Variants in EPB41L4B observed in about 807,000 individuals in gnomAD.
EPB41L4B encodes the protein erythrocyte membrane protein band 4.1 like 4B, also known as band 4.1-like protein 4B.
Under a neutral mutation model 112.5 loss-of-function variants are expected in EPB41L4B, and 30 were observed. That is an observed-to-expected ratio of 0.27 (90% CI 0.20 to 0.36). The LOEUF is 0.36. EPB41L4B is among the 10% of genes least tolerant of loss of function. The probability of loss-of-function intolerance (pLI) is 1.00; values close to 1 mark genes in which losing one functional copy is unlikely to be tolerated. For synonymous variants in EPB41L4B, 408 were observed against 439.7 expected, an observed-to-expected ratio of 0.93 and a Z score of 0.90; for missense variants, 1,024 against 1,133.3, an observed-to-expected ratio of 0.90 and a Z score of 1.38.
chr9:109,239,937 A>C lies in EPB41L4B; in HGVS notation c.1409+3681T>G, dbSNP rs541918473. 1.0e-5 allele frequency: 10 copies of C among 985,442 alleles called. No homozygotes were observed. The Admixed American group carries it at 5.5e-4, about 54-fold the overall frequency. The allele number at this position is 985,442 out of a possible 1,614,324, so 61.0% of individuals were successfully genotyped here. A position where few individuals can be genotyped will look rare whatever the true frequency, so the allele number is the denominator to read the frequency against. ...TGTGACAGGCAGGACAACCTTCACC[A>C]GAGTTGCCCCAGATGAAGAAAGGCA... is the stretch of plus-strand genomic sequence containing the variant. On this transcript the variant is annotated intron_variant, in intron 15 of 25. Coordinates refer to ENST00000374566, the MANE Select transcript of EPB41L4B (RefSeq NM_019114.5).
chr9:109,280,108 T>A (rs967966818), intron 1 of EPB41L4B, among the ~76,000 whole-genome samples, 187 bp from the exon 2 acceptor site: 2 of 152,230 alleles, frequency 1.3e-5, no homozygotes, highest in Non-Finnish European at 2.9e-5. Flanking sequence ...AAATGCCACA[T>A]AATAGCATAA....
intron 15 of EPB41L4B, among the ~76,000 whole-genome samples, chr9:109,223,283 A>C (rs1472600426): frequency 6.6e-6 from 1 of 151,968 alleles, no homozygotes; most frequent in African/African-American, 2.4e-5. Context: ...ACAACAACAA[A>C]AAATTAACCC....
intron 16 of EPB41L4B, among the ~76,000 whole-genome samples, chr9:109,216,560 G>A (rs1002805437): frequency 2.3e-4 from 35 of 151,586 alleles, no homozygotes; most frequent in African/African-American, 7.3e-4. Flanking sequence ...AGAATTGCTC[G>A]GACCTGGGAG....
chr9:109,248,973 G>A (rs911413403), intron 13 of EPB41L4B, among the ~76,000 whole-genome samples: 6 of 151,318 alleles, frequency 4.0e-5, no homozygotes, highest in Admixed American at 1.3e-4. Context: ...GCAGGAGAAC[G>A]GCGTGAACCC....
At chr9:109,266,654 G>C (rs898821440) in intron 4 of EPB41L4B, among the ~76,000 whole-genome samples, 1 of 152,026 alleles carries the variant, frequency 6.6e-6, no homozygotes, top group African/African-American at 2.4e-5. Context: ...CCAAGACATA[G>C]ACATGGGCAA....
chr9:109,303,250 A>AT (rs1180552849), intron 1 of EPB41L4B, among the ~76,000 whole-genome samples: 1 of 152,168 alleles, frequency 6.6e-6, no homozygotes, highest in Non-Finnish European at 1.5e-5. Context: ...AAAGTGATAA[A>AT]TAAAAAAAAA....
intron 6 of EPB41L4B, among the ~76,000 whole-genome samples, chr9:109,259,472 C>A (rs1206676987): frequency 1.3e-5 from 2 of 152,174 alleles, no homozygotes; most frequent in Admixed American, 1.3e-4. Context: ...CACATCAGAT[C>A]CCATCAACTA....
At chr9:109,271,470 T>A (rs1835617222) in intron 2 of EPB41L4B, among the ~76,000 whole-genome samples, 1 of 152,190 alleles carries the variant, frequency 6.6e-6, no homozygotes, top group African/African-American at 2.4e-5. Flanking sequence ...CTATCTTGTA[T>A]CCAACCAGTT....
intron 1 of EPB41L4B, among the ~76,000 whole-genome samples, chr9:109,283,193 A>G (rs1836135926): frequency 6.6e-6 from 1 of 152,206 alleles, no homozygotes; most frequent in East Asian, 1.9e-4. Context: ...TCTTCTGGCA[A>G]GGTTACACTA....
intron 2 of EPB41L4B, among the ~76,000 whole-genome samples, chr9:109,269,308 T>C (rs928085273): frequency 9.2e-5 from 14 of 152,226 alleles, no homozygotes; most frequent in African/African-American, 3.4e-4. Context: ...TGAGGGCATT[T>C]TAACTTCCTC....
chr9:109,194,310 T>A lies in EPB41L4B; in HGVS notation c.2133A>T (p.Gln711His). ...TGGGGGACGGCAGCGGCACGGAGAC[T>A]TGTGTGGCGGCCGTTGTGGTGTTTG... is the stretch of plus-strand genomic sequence containing the variant. ...TTTNTTTAAT[Q>H]VSVPLPSPKV... The change falls in exon 21 of 26, where the codon CAA (glutamine) becomes CAT (histidine). Residue 711 changes from glutamine to histidine, a missense_variant. Physicochemically the swap from Gln to His is conservative, Grantham distance 24. Coordinates refer to ENST00000374566, the MANE Select transcript of EPB41L4B (RefSeq NM_019114.5). The A allele has an allele frequency of 6.2e-7, 1 of 1,614,152 alleles. No individual in the cohort carries two copies. The highest frequency in any genetic ancestry group is 8.5e-7 in the Non-Finnish European group (1 of 1,180,036).
At position 109,216,262 on chromosome 9, in the gene EPB41L4B, T is replaced by C. The variant is rs111418851; in HGVS notation, c.1633+660A>G. Among the ~76,000 whole-genome samples, 995 of 152,242 alleles carry C rather than the reference T, an allele frequency of 6.5e-3. 9 individuals are homozygous for C. The highest frequency in any genetic ancestry group is 0.022 in the African/African-American group (926 of 41,546). On this transcript the variant is annotated intron_variant, in intron 16 of 25. Transcript: ENST00000374566. The stretch of plus-strand genomic sequence containing the variant: ...GCTCACGCCTGTAATCCCAGCACTT[T>C]GGGATTTTTTTCGTCCAGCTCTTTT...
intron 15 of EPB41L4B, chr9:109,241,575 A>G (rs762130123): frequency 2.5e-6 from 4 of 1,582,386 alleles, no homozygotes; most frequent in Non-Finnish European, 3.4e-6. Flanking sequence ...CACTCGTCCA[A>G]ACACATCCAT....
At chr9:109,276,154 T>TACACACACAC (rs66791042) in intron 2 of EPB41L4B, among the ~76,000 whole-genome samples, 1 of 141,732 alleles carries the variant, frequency 7.1e-6, no homozygotes, top group Non-Finnish European at 1.5e-5. Context: ...CGTGTGTGTA[T>TACACACACAC]ACACACACAC....
chr9:109,205,026 A>G (rs1832949425), intron 18 of EPB41L4B, among the ~76,000 whole-genome samples: 1 of 152,202 alleles, frequency 6.6e-6, no homozygotes, highest in East Asian at 1.9e-4. Flanking sequence ...TTTCAGTTCT[A>G]CAGATAACAG....
At chr9:109,271,393 T>C (rs796638881) in intron 2 of EPB41L4B, among the ~76,000 whole-genome samples, 4 of 152,278 alleles carry the variant, frequency 2.6e-5, no homozygotes, top group African/African-American at 9.6e-5. Flanking sequence ...TCAGATCAGG[T>C]TTTGCTTGCC....
At chr9:109,177,320 G>A (rs1831877933) in intron 24 of EPB41L4B, among the ~76,000 whole-genome samples, 1 of 152,076 alleles carries the variant, frequency 6.6e-6, no homozygotes, top group Admixed American at 6.5e-5. Flanking sequence ...CAAGACCACT[G>A]GGACCCAAGA....
rs578060702 is a variant in EPB41L4B, at chr9:109,180,225, G to C, written c.2487+2504C>G. On this transcript the variant is annotated intron_variant, in intron 24 of 25. Coordinates refer to ENST00000374566, the MANE Select transcript of EPB41L4B (RefSeq NM_019114.5). ...TCCCTCTGCTGCTCCAGCTGTCTTC[G>C]AGCCACTCTTGCTCAGTTCTTAAAA... 3.1e-4 allele frequency among the ~76,000 whole-genome samples: 47 copies of C among 152,246 alleles called. 1 individual carries two copies. In the South Asian group the frequency reaches 9.5e-3, roughly 31 times the overall value.
At chr9:109,250,583 C>T (rs569114273) in intron 13 of EPB41L4B, among the ~76,000 whole-genome samples, 14 of 152,318 alleles carry the variant, frequency 9.2e-5, no homozygotes, top group African/African-American at 3.4e-4. Flanking sequence ...TCACATAAGA[C>T]AGGCAGTTGT....
Sources: gnomAD v4.1 joint callset for allele counts (sites outside exome capture counted in the v4.1 genomes callset) on GRCh38, gnomAD v4.1.1 for gene constraint, MANE v1.5 for transcripts, NCBI Gene and HGNC (gene_info 2026-07-23, HGNC 2026-07-21) for gene names.